TASOR2: variants seen among roughly 807,000 people sequenced by gnomAD.
TASOR2 encodes protein TASOR 2.
Under a neutral mutation model 199.5 loss-of-function variants are expected in TASOR2, and 84 were observed. That is an observed-to-expected ratio of 0.42 (90% confidence interval 0.35 to 0.50). TASOR2 has a LOEUF of 0.50. TASOR2 is among the 20% of genes least tolerant of loss of function. TASOR2 has a pLI of 0.02. For synonymous variants in TASOR2, 1,103 were observed against 1,046.6 expected (o/e 1.05, Z -1.04); for missense variants, 2,796 against 2,835.9 (o/e 0.99, Z 0.32).
At chr10:5,724,632 T>TATAGATAG (rs372677711) in intron 8 of TASOR2, 99 bp downstream of exon 9, 22 of 178,922 alleles carry the variant, frequency 1.2e-4, no homozygotes, top group African/African-American at 3.1e-4. Context: ...TATATATATA[T>TATAGATAG]ATAGATAGAT....
intron 1 of TASOR2, among the ~76,000 whole-genome samples, chr10:5,705,731 C>A (rs1838504238): frequency 6.6e-6 from 1 of 151,848 alleles, no homozygotes; most frequent in South Asian, 2.1e-4. Context: ...TAATATTGAC[C>A]CATTTCCCAT....
In TASOR2 at chr10:5,749,629, A is replaced by G. The variant is rs529256872; in HGVS notation, c.6208A>G (p.Arg2070Gly). Reference sequence around the variant, plus strand: ...CAGTCTGGACAGCTCTTCCTCTTGGAGAGAGAGATGTAGTCATAATAGAGA... The same window carrying G: ...CAGTCTGGACAGCTCTTCCTCTTGGGGAGAGAGATGTAGTCATAATAGAGA... The change falls in exon 15 of 21, where the codon AGA becomes GGA. Residue 2070 changes from arginine to glycine, a missense_variant. Physicochemically the swap from Arg to Gly is moderately radical, Grantham distance 125. Coordinates refer to ENST00000328090, the Ensembl canonical transcript of TASOR2. 4.3e-6 allele frequency: 7 copies of G among 1,614,064 alleles called. No individual in the cohort carries two copies. The South Asian group carries it at 7.7e-5, about 18-fold the overall frequency.
At position 5,750,050 on chromosome 10, in the gene TASOR2, C is replaced by A. The variant is rs754073329; in HGVS notation, c.6606+23C>A. On this transcript the variant is annotated intron_variant, in intron 15 of 20. Transcript: ENST00000328090. This position sits in a 1 kb window ranked among gnomAD's most constrained non-coding sequence, Gnocchi z 5.4. ...AAGGTAAAGTGCCAGCCACGTCTTACGTATTATTTTAATTGCTGATTTTAG... is the reference window on the plus strand; with the variant it reads ...AAGGTAAAGTGCCAGCCACGTCTTAAGTATTATTTTAATTGCTGATTTTAG... 1 of 1,541,356 alleles carries A rather than the reference C, an allele frequency of 6.5e-7. No homozygotes were observed. The highest frequency in any genetic ancestry group is 8.7e-7 in the Non-Finnish European group (1 of 1,147,972).
rs535000127 is a variant in TASOR2 at position 5,748,551 on chromosome 10, A to C, written c.5130A>C (p.Pro1710=). The change falls in exon 15 of 21, where the codon CCA becomes CCC. Residue 1710 remains proline, a synonymous_variant. Transcript: ENST00000328090. This position sits in a 1 kb window ranked among gnomAD's most constrained non-coding sequence, Gnocchi z 5.1. ...AGTTACATAAAGAAACCACAGGTCC[A>C]GGCACTGCTGGCCCTCAGTCCAACA... 1.2e-6 allele frequency: 2 copies of C among 1,613,416 alleles called. No homozygotes were observed. The highest frequency in any genetic ancestry group is 4.5e-5 in the East Asian group (2 of 44,894).
At chr10:5,746,270 T>A in exon 15 of TASOR2, 1 of 1,614,160 alleles carries the variant, frequency 6.2e-7, no homozygotes. Flanking sequence ...GGACCTTCTG[T>A]TCCTAGTGAA....
chr10:5,704,764 G>A (rs1223629041), intron 1 of TASOR2, among the ~76,000 whole-genome samples: 1 of 152,040 alleles, frequency 6.6e-6, no homozygotes, highest in East Asian at 1.9e-4. Context: ...AGCTATTTTA[G>A]ATAATATCTT....
chr10:5,708,626 C>CCCTCCCTCCCTT (rs1564272117), intron 1 of TASOR2, among the ~76,000 whole-genome samples: 4 of 19,928 alleles, frequency 2.0e-4, no homozygotes, highest in African/African-American at 3.6e-4. Context: ...CTCCCTCCCT[C>CCCTCCCTCCCTT]CCTTCCTCCC....
intron 14 of TASOR2, among the ~76,000 whole-genome samples, chr10:5,745,012 T>C (rs1275916267): frequency 6.6e-6 from 1 of 152,226 alleles, no homozygotes; most frequent in African/African-American, 2.4e-5. Flanking sequence ...GCACGCAGTT[T>C]GTGAGCATGG....
intron 11 of TASOR2, 120 bp downstream of exon 12, chr10:5,731,323 G>A: frequency 3.4e-6 from 3 of 882,588 alleles, no homozygotes; most frequent in Non-Finnish European, 5.2e-6. Flanking sequence ...AAGGTCAGGA[G>A]TTTGAGACCA....
At chr10:5,709,903 G>T (rs1206043524) in intron 1 of TASOR2, among the ~76,000 whole-genome samples, 3 of 152,104 alleles carry the variant, frequency 2.0e-5, no homozygotes, top group Non-Finnish European at 4.4e-5. Flanking sequence ...TTTCTCACAT[G>T]CTCTTTATTC....
At chr10:5,709,329 T>C (rs992882987) in intron 1 of TASOR2, among the ~76,000 whole-genome samples, 8 of 152,180 alleles carry the variant, frequency 5.3e-5, no homozygotes, top group African/African-American at 1.4e-4. Flanking sequence ...TTAAAGACTT[T>C]TGGAGGAAAA....
intron 2 of TASOR2, among the ~76,000 whole-genome samples, 170 bp from the exon 4 acceptor site, chr10:5,717,489 C>T (rs1434188112): frequency 6.6e-6 from 1 of 152,150 alleles, no homozygotes; most frequent in African/African-American, 2.4e-5. Context: ...TGAGGAATAG[C>T]CCTGAAGCCT....
chr10:5,746,277 T>C (rs1184483836), exon 15 of TASOR2: 4 of 1,614,080 alleles, frequency 2.5e-6, no homozygotes, highest in Non-Finnish European at 3.4e-6. Context: ...CTGTTCCTAG[T>C]GAAGAAGAAA....
chr10:5,745,771 G>A (rs147964216), intron 14 of TASOR2, among the ~76,000 whole-genome samples: 2 of 151,530 alleles, frequency 1.3e-5, no homozygotes, highest in African/African-American at 4.8e-5. Context: ...AAAGCAAGAC[G>A]CTGTCTTGAA....
At position 5,757,684 on chromosome 10, in the gene TASOR2, A is replaced by AT. The variant is rs1355769162; in HGVS notation, c.6886+15dup. On this transcript the variant is annotated intron_variant, in intron 17 of 20. Transcript: ENST00000328090. Reference sequence around the variant, plus strand: ...AAGCTGTAACATTAGGTTGGTCTTTATTTTCTTTTCCTGTTTCTTTGAAGT... The same window carrying AT: ...AAGCTGTAACATTAGGTTGGTCTTTATTTTTCTTTTCCTGTTTCTTTGAAGT... The AT allele has an allele frequency of 6.8e-6, 11 of 1,610,790 alleles. No homozygotes were observed. The African/African-American group carries it at 1.3e-4, about 20-fold the overall frequency.
chr10:5,711,888 A>C (rs931714654), intron 1 of TASOR2, among the ~76,000 whole-genome samples: 1 of 152,134 alleles, frequency 6.6e-6, no homozygotes, highest in East Asian at 1.9e-4. Context: ...AATGATTTCT[A>C]TTGTGTCTGG....
chr10:5,726,131 T>C (rs961625506), intron 8 of TASOR2, among the ~76,000 whole-genome samples: 2 of 152,216 alleles, frequency 1.3e-5, no homozygotes, highest in African/African-American at 4.8e-5. Context: ...ATATTGGATT[T>C]TATCTTTTAT....
At position 5,740,217 on chromosome 10, in the gene TASOR2, A is replaced by G; in HGVS notation, c.2047A>G (p.Thr683Ala). 1.2e-6 allele frequency: 2 copies of G among 1,614,246 alleles called. No individual in the cohort carries two copies. Among genetic ancestry groups the G allele is most frequent in the Non-Finnish European group, 1.7e-6 (2 of 1,180,050 alleles). The change falls in exon 13 of 21, where the codon ACA (threonine) becomes GCA (alanine). Residue 683 changes from threonine to alanine, a missense_variant. Thr to Ala is a moderately conservative substitution (Grantham distance 58). This residue lies in a region of TASOR2 where 847 missense variants were observed against 887.4 expected (regional missense o/e 0.95). Transcript: ENST00000328090. The surrounding 1 kb of genome is among the most constrained non-coding windows in gnomAD (Gnocchi z 5.3). ...AAGCCCTCTGTTTCCCAGGAATGGG[A>G]CAAAAAGCCCTGAAGCAGCAACCCC... is the stretch of plus-strand genomic sequence containing the variant.
rs147132189 is a variant in TASOR2 at position 5,730,121 on chromosome 10, C to T, written c.488-366C>T. On this transcript the variant is annotated intron_variant, in intron 10 of 20. Coordinates refer to ENST00000328090, the Ensembl canonical transcript of TASOR2. This position sits in a 1 kb window ranked among gnomAD's most constrained non-coding sequence, Gnocchi z 4.1. ...TTTTAAAACAAAATAAGAAAAAGTA[C>T]GAAAGCAAATCTGCCAGCTCTAAAG... 2.6e-5 allele frequency among the ~76,000 whole-genome samples: 4 copies of T among 152,228 alleles called. No homozygotes were observed. The East Asian group carries it at 7.7e-4, about 29-fold the overall frequency.
Sources: allele counts gnomAD v4.1 joint callset (sites outside exome capture counted in the v4.1 genomes callset), GRCh38; gene constraint gnomAD v4.1.1; regional missense constraint gnomAD v4.1.1; non-coding constraint Gnocchi (gnomAD v3.1); transcripts MANE v1.5; gene names NCBI Gene and HGNC (gene_info 2026-07-23, HGNC 2026-07-21).